The following SNAI3 variants were observed in gnomAD, a reference collection of about 807,000 sequenced individuals.
SNAI3 encodes the protein snail family transcriptional repressor 3.
A neutral mutation model predicts 16.4 loss-of-function variants in SNAI3; 21 were observed. The observed-to-expected ratio is 1.28, with a 90% CI of 0.91 to 1.85. SNAI3 has a LOEUF of 1.85. Among genes scored for constraint, SNAI3 ranks in the 40% most tolerant of loss-of-function variants. The pLI is 0.00. For synonymous variants in SNAI3, 202 were observed against 166.6 expected (o/e 1.21, Z -1.64); for missense variants, 457 against 372.8 (o/e 1.23, Z -1.86).
intron 1 of SNAI3, among the ~76,000 whole-genome samples, chr16:88,682,179 G>A (rs1909196627): frequency 1.3e-5 from 2 of 152,186 alleles, no homozygotes; most frequent in East Asian, 1.9e-4. Flanking sequence ...TGCCGGCTGA[G>A]TGTAAAATCA....
intron 2 of SNAI3, 70 bp from the exon 3 acceptor site, chr16:88,678,699 C>G (rs1421350230): frequency 6.6e-7 from 1 of 1,523,994 alleles, no homozygotes; most frequent in African/African-American, 1.4e-5. Context: ...CCACCCTGCC[C>G]ATCAATGGAT....
rs770113114 is a variant in SNAI3 at position 88,681,391 on chromosome 16, C to T, written c.400G>A (p.Gly134Arg). ...GCCCCAAGCAGTTTTTCCGGAGCCC[C>T]GTGCCGGTCTGGGCCCAAGGTCGGG... is the stretch of plus-strand genomic sequence containing the variant. The part of the protein sequence containing the change: ...WSPTLGPDRH[G>R]APEKLLGAER... The change falls in exon 2 of 3, where the codon GGG becomes AGG. Residue 134 changes from glycine to arginine, a missense_variant. Physicochemically the swap from Gly to Arg is moderately radical, Grantham distance 125. Transcript: ENST00000332281. This position sits in a 1 kb window ranked among gnomAD's most constrained non-coding sequence, Gnocchi z 5.4. 1.6e-5 allele frequency: 26 copies of T among 1,612,394 alleles called. No homozygotes were observed. The highest frequency in any genetic ancestry group is 1.6e-4 in the Middle Eastern group (1 of 6,078).
chr16:88,681,313 G>C lies in SNAI3; in HGVS notation c.478C>G (p.Pro160Ala), dbSNP rs775024169. 3.1e-6 allele frequency: 5 copies of C among 1,613,252 alleles called. No homozygotes were observed. Among genetic ancestry groups the C allele is most frequent in the Non-Finnish European group, 3.4e-6 (4 of 1,179,900 alleles). Residue 160 changes from proline (P) to alanine (A), a missense_variant, in exon 2 of 3, where the codon CCC becomes GCC. Coordinates refer to ENST00000332281, the MANE Select transcript of SNAI3 (RefSeq NM_178310.4). The surrounding 1 kb of genome is among the most constrained non-coding windows in gnomAD (Gnocchi z 5.4). ...GGFECFHCHK[P>A]YHTLAGLARH... ...GCCAGCCCGGCCAGCGTGTGGTAGG[G>C]TTTGTGGCAGTGGAAGCACTCAAAG...
chr16:88,677,921 A>G lies in SNAI3; in HGVS notation c.*527T>C, dbSNP rs985425651. ...TGTTTGAGTGTGTGTGCACATGCAC[A>G]TAGACGTGTGACATGGGGCAGCTCG... On this transcript the variant is annotated 3_prime_UTR_variant, in exon 3 of 3. Transcript: ENST00000332281. 6.4e-6 allele frequency: 1 copy of G among 155,204 alleles called. No individual in the cohort carries two copies. Among genetic ancestry groups the G allele is most frequent in the African/African-American group, 2.4e-5 (1 of 41,506 alleles). The allele number at this position is 155,204 out of a possible 1,614,324, so 9.6% of individuals were successfully genotyped here.
chr16:88,684,076 C>G (rs577708505), intron 1 of SNAI3, among the ~76,000 whole-genome samples: 1 of 152,196 alleles, frequency 6.6e-6, no homozygotes, highest in Non-Finnish European at 1.5e-5. Context: ...TCTCTCCTGA[C>G]CTGACCTCCT....
chr16:88,686,285 T>G (rs11076698), intron 1 of SNAI3, 46 bp downstream of exon 1: 1,447,540 of 1,598,120 alleles, frequency 0.91, 657,425 homozygotes, highest in East Asian at 0.99. Flanking sequence ...CTCCCGCCCC[T>G]CAGGGTCGAG....
chr16:88,681,672 G>A lies in SNAI3; in HGVS notation c.119C>T (p.Pro40Leu). 6.8e-7 allele frequency: 1 copy of A among 1,476,634 alleles called. No homozygotes were observed. Among genetic ancestry groups the A allele is most frequent in the Non-Finnish European group, 9.0e-7 (1 of 1,111,320 alleles). 91.5% of individuals were successfully genotyped at this position (1,476,634 alleles called of 1,614,324 possible). Reference sequence around the variant, plus strand: ...GGCCTCCTTGTCTCGGGGGAGGAGGGGCACCACCAGCCCCCCACAGGCAGA... The same window carrying A: ...GGCCTCCTTGTCTCGGGGGAGGAGGAGCACCACCAGCCCCCCACAGGCAGA... ...ACSACGGLVV[P>L]LLPRDKEAPS... Residue 40 changes from proline to leucine, a missense_variant, in exon 2 of 3, where the codon CCC becomes CTC. Physicochemically the swap from Pro to Leu is moderately conservative, Grantham distance 98. Transcript: ENST00000332281. The surrounding 1 kb of genome is among the most constrained non-coding windows in gnomAD (Gnocchi z 5.4).
chr16:88,678,142 G>A lies in SNAI3; in HGVS notation c.*306C>T. The A allele has an allele frequency of 3.1e-6, 1 of 323,374 alleles. No homozygotes were observed. The highest frequency in any genetic ancestry group is 5.8e-6 in the Non-Finnish European group (1 of 173,842). 20.0% of individuals were successfully genotyped at this position (323,374 alleles called of 1,614,324 possible). On this transcript the variant is annotated 3_prime_UTR_variant, in exon 3 of 3. Coordinates refer to ENST00000332281, the MANE Select transcript of SNAI3 (RefSeq NM_178310.4). The stretch of plus-strand genomic sequence containing the variant: ...CCACCTCCCCGAGGCTCTGACTCTT[G>A]GAAGGGTAGCCCCGGAGACCTGGCC...
In SNAI3 at chr16:88,682,762, A is replaced by ATTTTTTTTTTTTTTTTT. The variant is rs71158747; in HGVS notation, c.77-1065_77-1049dup. Among the ~76,000 whole-genome samples the ATTTTTTTTTTTTTTTTT allele has an allele frequency of 6.1e-4, 37 of 60,698 alleles. 8 individuals are homozygous for ATTTTTTTTTTTTTTTTT. The highest frequency in any genetic ancestry group is 2.8e-3 in the South Asian group (3 of 1,076). The allele number at this position is 60,698 out of a possible 152,430, so 39.8% of individuals were successfully genotyped here. On this transcript the variant is annotated intron_variant, in intron 1 of 2. Transcript: ENST00000332281. ...AATACAATTTTAATATGGGCAAGGG[A>ATTTTTTTTTTTTTTTTT]TTTTTTTTTTTTTTTTTTTTTTTTT... is the stretch of plus-strand genomic sequence containing the variant.
rs919328362 is a variant in SNAI3 at position 88,678,247 on chromosome 16, G to A, written c.*201C>T. 21 of 559,110 alleles carry A rather than the reference G, an allele frequency of 3.8e-5. No individual in the cohort carries two copies. Among genetic ancestry groups the A allele is most frequent in the Non-Finnish European group, 5.7e-5 (18 of 314,502 alleles). The allele number at this position is 559,110 out of a possible 1,614,324, so 34.6% of individuals were successfully genotyped here. A position where few individuals can be genotyped will look rare whatever the true frequency, so the allele number is the denominator to read the frequency against. On this transcript the variant is annotated 3_prime_UTR_variant, in exon 3 of 3. Coordinates refer to ENST00000332281, the MANE Select transcript of SNAI3 (RefSeq NM_178310.4). ...AGTCTCCTCTGAGTGGGCTCCGCGC[G>A]GTGGGATGCCTGGGGGAGTGTCCTC... is the stretch of plus-strand genomic sequence containing the variant.
At position 88,681,541 on chromosome 16, in the gene SNAI3, C is replaced by G. The variant is rs1321714737; in HGVS notation, c.250G>C (p.Gly84Arg). 2 of 1,515,972 alleles carry G rather than the reference C, an allele frequency of 1.3e-6. No homozygotes were observed. Among genetic ancestry groups the G allele is most frequent in the Non-Finnish European group, 1.8e-6 (2 of 1,130,924 alleles). 93.9% of individuals were successfully genotyped at this position (1,515,972 alleles called of 1,614,324 possible). ...PRIEEALGASGLDALEVSEVD... is the reference protein window; with the variant it reads ...PRIEEALGASRLDALEVSEVD... The stretch of plus-strand genomic sequence containing the variant: ...TCGCTGACTTCCAAGGCGTCCAGCC[C>G]AGAGGCCCCCAGAGCTTCCTCGATC... The change falls in exon 2 of 3, where the codon GGG (glycine) becomes CGG (arginine). Residue 84 changes from glycine (G) to arginine (R), a missense_variant. Coordinates refer to ENST00000332281, the MANE Select transcript of SNAI3 (RefSeq NM_178310.4). The surrounding 1 kb of genome is among the most constrained non-coding windows in gnomAD (Gnocchi z 5.4).
chr16:88,682,931 C>A (rs1170436802), intron 1 of SNAI3, among the ~76,000 whole-genome samples: 1 of 150,822 alleles, frequency 6.6e-6, no homozygotes, highest in African/African-American at 2.4e-5. Context: ...CCTGCCACCA[C>A]GCCCGGCTAA....
At position 88,681,648 on chromosome 16, in the gene SNAI3, G is replaced by A. The variant is rs747128680; in HGVS notation, c.143C>T (p.Ala48Val). Residue 48 changes from alanine (A) to valine (V), a missense_variant, in exon 2 of 3, where the codon GCC (alanine) becomes GTC (valine). Ala to Val is a moderately conservative substitution (Grantham distance 64). Coordinates refer to ENST00000332281, the MANE Select transcript of SNAI3 (RefSeq NM_178310.4). This position sits in a 1 kb window ranked among gnomAD's most constrained non-coding sequence, Gnocchi z 5.4. ...GGGAAGGTCACCGGGCACAGAAGGG[G>A]CCTCCTTGTCTCGGGGGAGGAGGGG... is the stretch of plus-strand genomic sequence containing the variant. ...VVPLLPRDKE[A>V]PSVPGDLPQP... 2 of 1,471,178 alleles carry A rather than the reference G, an allele frequency of 1.4e-6. No homozygotes were observed. Among genetic ancestry groups the A allele is most frequent in the Admixed American group, 4.9e-5 (2 of 40,922 alleles). The allele number at this position is 1,471,178 out of a possible 1,614,324, so 91.1% of individuals were successfully genotyped here.
At position 88,678,592 on chromosome 16, in the gene SNAI3, G is replaced by A; in HGVS notation, c.735C>T (p.Ala245=). Residue 245 remains alanine, a synonymous_variant, in exon 3 of 3, where the codon GCC becomes GCT. Coordinates refer to ENST00000332281, the MANE Select transcript of SNAI3 (RefSeq NM_178310.4). ...KPYACSHCSR[A]FADRSNLRAH... ...CCCGAAGGTTGGAGCGGTCGGCAAA[G>A]GCCCTGCTGCAGTGCGAGCAGGCAT... 9.6e-7 allele frequency: 1 copy of A among 1,043,314 alleles called. No individual in the cohort carries two copies. Among genetic ancestry groups the A allele is most frequent in the African/African-American group, 1.6e-5 (1 of 64,116 alleles). The allele number at this position is 1,043,314 out of a possible 1,614,324, so 64.6% of individuals were successfully genotyped here.
rs200898270 is a variant in SNAI3 at position 88,678,531 on chromosome 16, G to T, written c.796C>A (p.Arg266=). ...AAGGTCTTGGTGCAGCGCCGGCACC[G>T]GTACTTCTTGGCGTCTGAGTGCGTT... ...LQTHSDAKKY[R]CRRCTKTFSR... The change falls in exon 3 of 3, where the codon CGG becomes AGG. Residue 266 remains arginine (R), a synonymous_variant. Coordinates refer to ENST00000332281, the MANE Select transcript of SNAI3 (RefSeq NM_178310.4). The T allele has an allele frequency of 1.3e-6, 1 of 795,210 alleles. No individual in the cohort carries two copies. The highest frequency in any genetic ancestry group is 2.3e-6 in the Non-Finnish European group (1 of 433,152). The allele number at this position is 795,210 out of a possible 1,614,324, so 49.3% of individuals were successfully genotyped here. A position where few individuals can be genotyped will look rare whatever the true frequency, so the allele number is the denominator to read the frequency against.
At chr16:88,686,254 C>G in intron 1 of SNAI3, 77 bp downstream of exon 1, 1 of 1,523,896 alleles carries the variant, frequency 6.6e-7, no homozygotes, top group South Asian at 1.2e-5. Context: ...CCAGCCCCCG[C>G]TCCCAGGGGC....
Position 88,681,146 on chromosome 16 carries a change from G to A in SNAI3, c.645C>T (p.Gly215=), listed in dbSNP as rs368090336. The part of the protein sequence containing the change: ...HTLPCTCKIC[G]KAFSRPWLLQ... ...GTAACCAGGGCCTGGAGAAGGCCTT[G>A]CCACAGATCTTGCAGGTGCAGGGCA... Residue 215 remains glycine, a synonymous_variant, in exon 2 of 3, where the codon GGC becomes GGT. Transcript: ENST00000332281. The surrounding 1 kb of genome is among the most constrained non-coding windows in gnomAD (Gnocchi z 5.4). 58 of 1,613,876 alleles carry A rather than the reference G, an allele frequency of 3.6e-5. No individual in the cohort carries two copies. The African/African-American group carries it at 6.5e-4, about 18-fold the overall frequency.
chr16:88,684,604 T>G (rs1282905394), intron 1 of SNAI3, among the ~76,000 whole-genome samples: 3 of 152,190 alleles, frequency 2.0e-5, no homozygotes, highest in African/African-American at 7.2e-5. Context: ...CAAGTGATTC[T>G]CCTACCTCAG....
chr16:88,681,227 G>A lies in SNAI3; in HGVS notation c.564C>T (p.Cys188=), dbSNP rs145862767. Residue 188 remains cysteine (C), a synonymous_variant, in exon 2 of 3, where the codon TGC becomes TGT. Transcript: ENST00000332281. The surrounding 1 kb of genome is among the most constrained non-coding windows in gnomAD (Gnocchi z 5.4). The part of the protein sequence containing the change: ...QVGRVFTCKY[C]DKEYTSLGAL... ...CACCCAGGCTGGTGTACTCCTTGTCGCAGTACTTGCAGGTGAAGACACGCC... is the reference window on the plus strand; with the variant it reads ...CACCCAGGCTGGTGTACTCCTTGTCACAGTACTTGCAGGTGAAGACACGCC... 9.2e-5 allele frequency: 148 copies of A among 1,613,768 alleles called. No individual in the cohort carries two copies. The African/African-American group carries it at 1.0e-3, about 11-fold the overall frequency.
Sources: allele counts gnomAD v4.1 joint callset (sites outside exome capture counted in the v4.1 genomes callset), GRCh38; gene constraint gnomAD v4.1.1; non-coding constraint Gnocchi (gnomAD v3.1); transcripts MANE v1.5; gene names NCBI Gene and HGNC (gene_info 2026-07-23, HGNC 2026-07-21).